Variants in NHERF2 observed in about 807,000 individuals in gnomAD.
The protein encoded by NHERF2 is Na(+)/H(+) exchange regulatory cofactor NHE-RF2.
chr16:2,037,460 G>T, the NHERF2 span: 8 of 1,287,694 alleles, frequency 6.2e-6, no homozygotes, highest in Non-Finnish European at 7.7e-6. Context: ...CTGGGGGGGG[G>T]TGTGCCTCTG....
the NHERF2 span, among the ~76,000 whole-genome samples, chr16:2,035,065 C>G: frequency 6.6e-6 from 1 of 152,094 alleles, no homozygotes; most frequent in Non-Finnish European, 1.5e-5. Context: ...CCTGGAGTTT[C>G]TGGTGTGACG....
chr16:2,034,710 A>C, the NHERF2 span, among the ~76,000 whole-genome samples: 1 of 65,454 alleles, frequency 1.5e-5, no homozygotes, highest in East Asian at 4.5e-4. Flanking sequence ...GCCGTGCTCC[A>C]CCTCCCCTCC....
At chr16:2,034,343 C>T in the NHERF2 span, among the ~76,000 whole-genome samples, 1 of 142,080 alleles carries the variant, frequency 7.0e-6, no homozygotes, top group Admixed American at 6.9e-5. Context: ...GGGCCGTGCT[C>T]CACCTCCCCT....
the NHERF2 span, among the ~76,000 whole-genome samples, chr16:2,034,992 C>T: frequency 1.3e-5 from 2 of 152,054 alleles, no homozygotes; most frequent in Non-Finnish European, 1.5e-5. Flanking sequence ...GGTCTTGCAC[C>T]CTCTAATTCA....
At chr16:2,029,885 C>A in the NHERF2 span, 1 of 1,022,212 alleles carries the variant, frequency 9.8e-7, no homozygotes, top group Non-Finnish European at 1.4e-6. Flanking sequence ...AAGTCTTGGT[C>A]TCTTCTGCCT....
chr16:2,028,548 A>T, the NHERF2 span, among the ~76,000 whole-genome samples: 1 of 152,202 alleles, frequency 6.6e-6, no homozygotes, highest in Non-Finnish European at 1.5e-5. Context: ...CAGTTGAGGA[A>T]ACTGATGCCA....
At chr16:2,034,946 A>G in the NHERF2 span, among the ~76,000 whole-genome samples, 3 of 151,904 alleles carry the variant, frequency 2.0e-5, no homozygotes, top group African/African-American at 7.3e-5. Flanking sequence ...CTGGGGGAGG[A>G]GTGAGTCTAT....
the NHERF2 span, chr16:2,035,658 TC>T: frequency 1.0e-6 from 1 of 985,632 alleles, no homozygotes; most frequent in Non-Finnish European, 1.2e-6. Context: ...GCCTGCATGG[TC>T]CCCTGGCCCA....
the NHERF2 span, chr16:2,037,126 C>A: frequency 8.6e-7 from 1 of 1,166,790 alleles, no homozygotes; most frequent in Non-Finnish European, 1.2e-6. Context: ...GCCCTGTCAC[C>A]TCCCTTTAAT....
At chr16:2,035,499 C>G in the NHERF2 span, 2 of 986,390 alleles carry the variant, frequency 2.0e-6, no homozygotes, top group South Asian at 9.4e-5. Context: ...CCTGCGCACG[C>G]CCTCAAGCTT....
At chr16:2,035,808 G>A in the NHERF2 span, 2 of 450,254 alleles carry the variant, frequency 4.4e-6, no homozygotes, top group Non-Finnish European at 2.9e-6. Context: ...TGGGCCCACG[G>A]GGGTGGGGCG....
the NHERF2 span, among the ~76,000 whole-genome samples, chr16:2,027,630 C>T: frequency 6.6e-6 from 1 of 152,204 alleles, no homozygotes; most frequent in Admixed American, 6.5e-5. Flanking sequence ...GCCATGTGTG[C>T]ATGCGCCTGC....
the NHERF2 span, among the ~76,000 whole-genome samples, chr16:2,034,722 G>T: frequency 0.059 from 5,098 of 86,204 alleles, 333 homozygotes; most frequent in Non-Finnish European, 0.087. Flanking sequence ...CTCCCCTCCC[G>T]AACTGGGCTC....
the NHERF2 span, chr16:2,037,794 T>TCCAGACACCCCACCCACCGTGCTCACC: frequency 3.8e-6 from 6 of 1,561,090 alleles, no homozygotes; most frequent in African/African-American, 8.2e-5. Context: ...TAGGGCTCAC[T>TCCAGACACCCCACCCACCGTGCTCACC]CCAGACACCC....
the NHERF2 span, chr16:2,036,343 G>A: frequency 6.2e-7 from 1 of 1,610,064 alleles, no homozygotes; most frequent in Non-Finnish European, 8.5e-7. Context: ...GGGCCCCTGA[G>A]GGAGCTGCGC....
the NHERF2 span, chr16:2,036,513 C>T: frequency 3.2e-6 from 5 of 1,574,396 alleles, no homozygotes; most frequent in South Asian, 3.5e-5. Flanking sequence ...GGTACCGGCC[C>T]ACCAGGGCTG....
At chr16:2,029,198 C>A in the NHERF2 span, among the ~76,000 whole-genome samples, 3 of 152,200 alleles carry the variant, frequency 2.0e-5, no homozygotes, top group East Asian at 5.8e-4. Flanking sequence ...TGGATGCATG[C>A]GCGCACAGGG....
chr16:2,036,771 T>G, the NHERF2 span: 1 of 1,613,160 alleles, frequency 6.2e-7, no homozygotes, highest in Non-Finnish European at 8.5e-7. Context: ...GCTGAGGTGG[T>G]GGCCAGCATC....
the NHERF2 span, chr16:2,027,234 C>T: frequency 2.4e-6 from 3 of 1,266,420 alleles, no homozygotes; most frequent in Middle Eastern, 3.0e-4. Context: ...GGCCAGCGCT[C>T]GCCCCCGGCC....
Sources: allele counts gnomAD v4.1 joint callset (sites outside exome capture counted in the v4.1 genomes callset), GRCh38; gene constraint gnomAD v4.1.1; transcripts MANE v1.5; gene names NCBI Gene and HGNC (gene_info 2026-07-23, HGNC 2026-07-21).